VAV3: variants seen among roughly 807,000 people sequenced by gnomAD.
The protein encoded by VAV3 is guanine nucleotide exchange factor VAV3.
A neutral mutation model predicts 131.2 loss-of-function variants in VAV3; 94 were observed. That is an observed-to-expected ratio of 0.72 (90% confidence interval 0.61 to 0.85). The LOEUF is 0.85. Among genes scored for constraint, VAV3 ranks in the 40% least tolerant of loss-of-function variants. The pLI is 0.00. For missense variants in VAV3, 939 were observed against 1,002.7 expected, an observed-to-expected ratio of 0.94 and a Z score of 0.86; for synonymous variants, 349 against 342.0, an observed-to-expected ratio of 1.02 and a Z score of -0.22.
intron 1 of VAV3, among the ~76,000 whole-genome samples, chr1:107,907,797 C>T (rs1180843567): frequency 2.6e-5 from 4 of 152,114 alleles, no homozygotes; most frequent in Non-Finnish European, 4.4e-5. Context: ...TGATCTTGGG[C>T]TTCTCAGTCT....
intron 21 of VAV3, among the ~76,000 whole-genome samples, chr1:107,613,622 A>G (rs1157375762): frequency 6.6e-6 from 1 of 152,114 alleles, no homozygotes; most frequent in African/African-American, 2.4e-5. Flanking sequence ...TGAATTTAGT[A>G]TCTAAAATTC....
At chr1:107,640,164 T>C (rs1157363712) in intron 20 of VAV3, among the ~76,000 whole-genome samples, 1 of 152,182 alleles carries the variant, frequency 6.6e-6, no homozygotes, top group East Asian at 1.9e-4. Context: ...AGAATTATAT[T>C]TGAATGTTCA....
At chr1:107,716,875 T>C (rs1217269273) in intron 15 of VAV3, among the ~76,000 whole-genome samples, 1 of 152,168 alleles carries the variant, frequency 6.6e-6, no homozygotes, top group Non-Finnish European at 1.5e-5. Flanking sequence ...TCCTGGACTC[T>C]TTTTGGTTGG....
intron 2 of VAV3, among the ~76,000 whole-genome samples, chr1:107,797,862 C>T (rs1159893348): frequency 3.9e-5 from 6 of 152,154 alleles, no homozygotes; most frequent in African/African-American, 1.4e-4. Flanking sequence ...AAATAGATTG[C>T]TGGGCTTCAC....
intron 2 of VAV3, among the ~76,000 whole-genome samples, chr1:107,850,865 T>TAC (rs1264427561): frequency 6.6e-6 from 1 of 152,076 alleles, no homozygotes; most frequent in African/African-American, 2.4e-5. Flanking sequence ...ACCACACATA[T>TAC]ATATATATAT....
intron 15 of VAV3, among the ~76,000 whole-genome samples, chr1:107,730,655 C>T (rs1391965664): frequency 1.3e-5 from 2 of 152,134 alleles, no homozygotes; most frequent in Non-Finnish European, 2.9e-5. Context: ...TAATAATATA[C>T]ACAATGTTAC....
intron 14 of VAV3, among the ~76,000 whole-genome samples, 164 bp from the exon 15 acceptor site, chr1:107,749,241 G>A (rs1438554428): frequency 2.0e-5 from 3 of 152,100 alleles, no homozygotes; most frequent in Admixed American, 6.6e-5. Context: ...CAATTTCTAT[G>A]CCAAATGCGT....
At chr1:107,770,607 G>C (rs970050976) in intron 6 of VAV3, 29 bp downstream of exon 6, 2 of 1,362,504 alleles carry the variant, frequency 1.5e-6, no homozygotes, top group Non-Finnish European at 2.1e-6. Flanking sequence ...GCAGTATTTG[G>C]GCATCAAAAA....
At chr1:107,725,419 G>C (rs1264250388) in intron 15 of VAV3, among the ~76,000 whole-genome samples, 1 of 152,136 alleles carries the variant, frequency 6.6e-6, no homozygotes, top group Non-Finnish European at 1.5e-5. Context: ...CGAAAGTAAA[G>C]AGAGTGAGAG....
intron 19 of VAV3, among the ~76,000 whole-genome samples, chr1:107,648,167 T>C (rs1288695208): frequency 6.6e-6 from 1 of 152,048 alleles, no homozygotes; most frequent in Non-Finnish European, 1.5e-5. Flanking sequence ...ATTATTTTTA[T>C]AAACAATGAT....
intron 6 of VAV3, among the ~76,000 whole-genome samples, chr1:107,769,698 T>C (rs1346665587): frequency 1.3e-5 from 2 of 152,210 alleles, no homozygotes; most frequent in Non-Finnish European, 2.9e-5. Context: ...CAAATTTCAC[T>C]TGTTCCAACA....
chr1:107,704,027 A>G (rs760257322), intron 17 of VAV3, among the ~76,000 whole-genome samples: 13 of 152,332 alleles, frequency 8.5e-5, no homozygotes, highest in Admixed American at 6.5e-4. Flanking sequence ...ATATTTACAT[A>G]AAACCCAAAA....
chr1:107,816,761 A>G (rs912593690), intron 2 of VAV3, among the ~76,000 whole-genome samples: 4 of 152,276 alleles, frequency 2.6e-5, no homozygotes, highest in Non-Finnish European at 5.9e-5. Flanking sequence ...TGAACCTTTT[A>G]GAGCTAAAAG....
chr1:107,764,579 G>T (rs1664631592), intron 9 of VAV3, among the ~76,000 whole-genome samples: 1 of 152,118 alleles, frequency 6.6e-6, no homozygotes, highest in African/African-American at 2.4e-5. Flanking sequence ...GAGTGCAATG[G>T]TGCAACCATA....
chr1:107,760,500 G>A (rs1162886035), intron 10 of VAV3, among the ~76,000 whole-genome samples: 1 of 152,072 alleles, frequency 6.6e-6, no homozygotes, highest in Non-Finnish European at 1.5e-5. Context: ...AGAAGACTTG[G>A]TTGAAAAAAT....
chr1:107,910,821 A>T (rs1041768145), intron 1 of VAV3, among the ~76,000 whole-genome samples: 1 of 152,064 alleles, frequency 6.6e-6, no homozygotes, highest in Non-Finnish European at 1.5e-5. Flanking sequence ...CTCTACTAAA[A>T]ATACTAAAAT....
rs1232128199 is a variant in VAV3 at position 107,906,892 on chromosome 1, A to T, written c.205-31875T>A. ...TCCAACCTACTGTTCCCTGGCTTGG[A>T]AAGTTAGAATTAATCTTTAGCAGAA... On this transcript the variant is annotated intron_variant, in intron 1 of 26. Coordinates refer to ENST00000370056, the MANE Select transcript of VAV3 (RefSeq NM_006113.5). 2.6e-5 allele frequency among the ~76,000 whole-genome samples: 4 copies of T among 152,100 alleles called. No individual in the cohort carries two copies. In the East Asian group the frequency reaches 7.7e-4, roughly 29 times the overall value.
intron 19 of VAV3, among the ~76,000 whole-genome samples, chr1:107,651,249 G>A (rs1231155965): frequency 6.6e-6 from 1 of 152,136 alleles, no homozygotes; most frequent in African/African-American, 2.4e-5. Context: ...TTTTGTTGGA[G>A]CAGCCTAAAC....
rs998637892 is a variant in VAV3 at position 107,586,081 on chromosome 1, C to T, written c.2350+10131G>A. On this transcript the variant is annotated intron_variant, in intron 25 of 26. Transcript: ENST00000370056. ...GTTTTGTTTTTCATCACCCAACCAG[C>T]CCAGTTAAAAATTGTAAGCCATCCC... 3.3e-5 allele frequency among the ~76,000 whole-genome samples: 5 copies of T among 151,616 alleles called. No individual in the cohort carries two copies. The East Asian group carries it at 9.7e-4, about 29-fold the overall frequency.
Sources: gnomAD v4.1 joint callset for allele counts (sites outside exome capture counted in the v4.1 genomes callset) on GRCh38, gnomAD v4.1.1 for gene constraint, MANE v1.5 for transcripts, NCBI Gene and HGNC (gene_info 2026-07-23, HGNC 2026-07-21) for gene names.